RAD54B: variants seen among roughly 807,000 people sequenced by gnomAD.
RAD54B encodes RAD54 homolog B, also known as DNA repair and recombination protein RAD54B.
A neutral mutation model predicts 95.8 loss-of-function variants in RAD54B; 78 were observed. The ratio of observed to expected loss-of-function variants is 0.81; its 90% CI spans 0.68 to 0.98. The LOEUF (loss-of-function observed/expected upper bound fraction) is 0.98. Ranked by LOEUF, RAD54B falls within the 50% of genes least tolerant of loss-of-function variation. The pLI is 0.00. For synonymous variants in RAD54B, 328 were observed against 354.9 expected, an observed-to-expected ratio of 0.92 and a Z score of 0.85; for missense variants, 957 against 1,056.6, an observed-to-expected ratio of 0.91 and a Z score of 1.31.
chr8:94,439,224 G>A (rs1414379678), intron 3 of RAD54B, among the ~76,000 whole-genome samples: 1 of 152,204 alleles, frequency 6.6e-6, no homozygotes, highest in Non-Finnish European at 1.5e-5. Flanking sequence ...TATTTTACAT[G>A]AGTAGGAAAT....
chr8:94,403,899 A>G (rs754132263), intron 6 of RAD54B, among the ~76,000 whole-genome samples, 178 bp downstream of exon 6: 14 of 152,260 alleles, frequency 9.2e-5, no homozygotes, highest in Non-Finnish European at 1.6e-4. Flanking sequence ...CGTGGCATCT[A>G]TCAAGAACCA....
At position 94,471,268 on chromosome 8, in the gene RAD54B, C is replaced by CGG. The variant is rs34892988; in HGVS notation, c.-16-3715_-16-3714dup. ...TGTGAATGATACCATTAATGGGTGG[C>CGG]GGGGGGGGGCAGTACTTTAAAAAAA... On this transcript the variant is annotated intron_variant, in intron 1 of 14. Transcript: ENST00000336148. Among the ~76,000 whole-genome samples, 380 of 137,492 alleles carry CGG rather than the reference C, an allele frequency of 2.8e-3. 1 individual carries two copies. Among genetic ancestry groups the CGG allele is most frequent in the African/African-American group, 9.1e-3 (325 of 35,872 alleles). The allele number at this position is 137,492 out of a possible 152,430, so 90.2% of individuals were successfully genotyped here.
intron 3 of RAD54B, among the ~76,000 whole-genome samples, chr8:94,433,646 CAT>C (rs1812177933): frequency 6.6e-6 from 1 of 151,720 alleles, no homozygotes; most frequent in South Asian, 2.1e-4. Context: ...GTTTTATAAA[CAT>C]AATTTTATGT....
intron 3 of RAD54B, among the ~76,000 whole-genome samples, chr8:94,412,680 A>C (rs374111800): frequency 2.5e-4 from 38 of 152,250 alleles, no homozygotes; most frequent in African/African-American, 8.4e-4. Context: ...TTAAAAACAA[A>C]ATGAAGTAAT....
At chr8:94,379,391 A>G (rs1810679568) in intron 12 of RAD54B, among the ~76,000 whole-genome samples, 2 of 152,204 alleles carry the variant, frequency 1.3e-5, no homozygotes, top group African/African-American at 4.8e-5. Flanking sequence ...ACAATATTCT[A>G]TATGCACTGT....
At position 94,387,174 on chromosome 8, in the gene RAD54B, G is replaced by A; in HGVS notation, c.1810-15C>T. 6.4e-7 allele frequency: 1 copy of A among 1,552,846 alleles called. No homozygotes were observed. Among genetic ancestry groups the A allele is most frequent in the Non-Finnish European group, 8.7e-7 (1 of 1,153,642 alleles). ...CATTCCTTTTCCTATTCAAAATGAT[G>A]ATTGTTAATGCTGGCTCAAGTTTGT... On this transcript the variant is annotated splice_polypyrimidine_tract_variant and intron_variant, in intron 10 of 14. Transcript: ENST00000336148.
At chr8:94,433,526 T>C (rs1313748658) in intron 3 of RAD54B, among the ~76,000 whole-genome samples, 1 of 152,106 alleles carries the variant, frequency 6.6e-6, no homozygotes, top group Non-Finnish European at 1.5e-5. Context: ...AATTTACACA[T>C]AATTTCCACC....
intron 5 of RAD54B, among the ~76,000 whole-genome samples, chr8:94,406,185 A>T (rs1811385745): frequency 6.6e-6 from 1 of 152,100 alleles, no homozygotes; most frequent in African/African-American, 2.4e-5. Context: ...GGTTATTAGG[A>T]CCCACGTTTT....
rs565705387 is a variant in RAD54B at position 94,462,461 on chromosome 8, CAT to C, written c.136-4027_136-4026del. 6.3e-3 allele frequency among the ~76,000 whole-genome samples: 966 copies of C among 152,162 alleles called. 8 individuals carry two copies. The highest frequency in any genetic ancestry group is 0.021 in the African/African-American group (891 of 41,480). On this transcript the variant is annotated intron_variant, in intron 2 of 14. Transcript: ENST00000336148. Reference sequence around the variant, plus strand: ...ATTTATTTATTTATTCATTTATTTACATATATTAGTATAGATTCTGACTCCTG... The same window carrying C: ...ATTTATTTATTTATTCATTTATTTACATATTAGTATAGATTCTGACTCCTG...
intron 3 of RAD54B, among the ~76,000 whole-genome samples, chr8:94,426,366 T>C (rs1811943550): frequency 6.6e-6 from 1 of 152,106 alleles, no homozygotes; most frequent in Admixed American, 6.5e-5. Context: ...GTCTGTATGG[T>C]TCCCTAACTA....
chr8:94,416,097 C>T (rs1443033326), intron 3 of RAD54B, among the ~76,000 whole-genome samples: 4 of 150,798 alleles, frequency 2.7e-5, no homozygotes, highest in African/African-American at 9.8e-5. Context: ...TTCACAATAG[C>T]AAAGACTTGG....
At chr8:94,412,861 CAG>C (rs1260961069) in intron 3 of RAD54B, among the ~76,000 whole-genome samples, 1 of 151,988 alleles carries the variant, frequency 6.6e-6, no homozygotes, top group African/African-American at 2.4e-5. Context: ...ATAAATTTAG[CAG>C]AGTCACAAGA....
intron 3 of RAD54B, among the ~76,000 whole-genome samples, chr8:94,422,617 AATATATATAT>A (rs1166692675): frequency 0.026 from 1,120 of 43,558 alleles, 47 homozygotes; most frequent in Middle Eastern, 0.08. Flanking sequence ...AAAAAAAAAA[AATATATATAT>A]ATATATATAT....
chr8:94,453,675 AAT>A (rs1404404326), intron 3 of RAD54B, among the ~76,000 whole-genome samples: 1 of 152,204 alleles, frequency 6.6e-6, no homozygotes, highest in Non-Finnish European at 1.5e-5. Context: ...TATGTATACA[AAT>A]ATGTTTCTAG....
chr8:94,432,647 C>T, intron 3 of RAD54B: 1 of 1,532,276 alleles, frequency 6.5e-7, no homozygotes, highest in Non-Finnish European at 8.8e-7. Flanking sequence ...CCTCCTCATC[C>T]AAGTTTGCAC....
intron 3 of RAD54B, among the ~76,000 whole-genome samples, chr8:94,416,282 C>T (rs1314740397): frequency 2.4e-4 from 37 of 151,572 alleles, no homozygotes; most frequent in Non-Finnish European, 4.9e-4. Flanking sequence ...AACCAAACAC[C>T]GCATGTTCTC....
chr8:94,458,247 A>G (rs1428886139), intron 3 of RAD54B, 21 bp downstream of exon 3: 1 of 1,565,508 alleles, frequency 6.4e-7, no homozygotes, highest in Admixed American at 2.0e-5. Context: ...CATAAACCTT[A>G]TCAATAAAAA....
intron 14 of RAD54B, among the ~76,000 whole-genome samples, chr8:94,375,555 T>G (rs1810547619): frequency 6.6e-6 from 1 of 152,212 alleles, no homozygotes; most frequent in Non-Finnish European, 1.5e-5. Context: ...TGAGTCTAAT[T>G]AAACTTCTTT....
At position 94,400,410 on chromosome 8, in the gene RAD54B, G is replaced by A. The variant is rs767631515; in HGVS notation, c.998C>T (p.Thr333Ile). Residue 333 changes from threonine to isoleucine, a missense_variant, in exon 7 of 15, where the codon ACA becomes ATA. By Grantham distance (89) the Thr-to-Ile change is moderately conservative. Coordinates refer to ENST00000336148, the MANE Select transcript of RAD54B (RefSeq NM_012415.3). ...ILADEMGLGK[T>I]LQCISLIWTL... is the part of the protein sequence containing the mutation. Reference sequence around the variant, plus strand: ...CCAGATGAGCGAAATACATTGCAATGTCTTCCCTAAACCCATTTCATCAGC... The same window carrying A: ...CCAGATGAGCGAAATACATTGCAATATCTTCCCTAAACCCATTTCATCAGC... The A allele has an allele frequency of 6.2e-7, 1 of 1,613,482 alleles. No homozygotes were observed. The highest frequency in any genetic ancestry group is 8.5e-7 in the Non-Finnish European group (1 of 1,179,840).
Sources: gnomAD v4.1 joint callset for allele counts (sites outside exome capture counted in the v4.1 genomes callset) on GRCh38, gnomAD v4.1.1 for gene constraint, MANE v1.5 for transcripts, NCBI Gene and HGNC (gene_info 2026-07-23, HGNC 2026-07-21) for gene names.